Variants in ZFR observed in about 807,000 individuals in gnomAD.
ZFR encodes zinc finger RNA-binding protein.
In ZFR, 19 loss-of-function variants were observed where a neutral mutation model predicts 130.7. That is an observed-to-expected ratio of 0.15 (90% CI 0.10 to 0.21). ZFR has a LOEUF of 0.21. ZFR is among the 10% of genes least tolerant of loss of function. ZFR has a pLI of 1.00. For synonymous variants in ZFR, 466 were observed against 456.9 expected, an observed-to-expected ratio of 1.02 and a Z score of -0.25; for missense variants, 872 against 1,321.5, an observed-to-expected ratio of 0.66 and a Z score of 5.27.
intron 2 of ZFR, among the ~76,000 whole-genome samples, chr5:32,430,553 A>C (rs1249276415): frequency 6.6e-6 from 1 of 152,198 alleles, no homozygotes; most frequent in Non-Finnish European, 1.5e-5. Context: ...AAAAATGTCA[A>C]GAGATTCCCT....
chr5:32,398,866 G>C (rs993628747), intron 9 of ZFR, among the ~76,000 whole-genome samples: 1 of 151,904 alleles, frequency 6.6e-6, no homozygotes, highest in Non-Finnish European at 1.5e-5. Flanking sequence ...GGCCTCAAGT[G>C]ATTCACCCAC....
chr5:32,399,405 C>A (rs1474441076), intron 9 of ZFR, among the ~76,000 whole-genome samples: 3 of 152,212 alleles, frequency 2.0e-5, no homozygotes, highest in African/African-American at 7.2e-5. Flanking sequence ...TAGATATCGA[C>A]ACTGAAGCTC....
At chr5:32,361,751 C>T (rs2963986) in intron 19 of ZFR, among the ~76,000 whole-genome samples, 142,234 of 151,870 alleles carry the variant, frequency 0.94, 66,698 homozygotes, top group African/African-American at 0.97. Flanking sequence ...CCCAAGTAGC[C>T]TGGACTACAG....
At chr5:32,438,280 T>TTTTTA (rs1754387350) in intron 2 of ZFR, among the ~76,000 whole-genome samples, 2 of 130,292 alleles carry the variant, frequency 1.5e-5, no homozygotes, top group African/African-American at 5.6e-5. Flanking sequence ...TTTTTTTTTT[T>TTTTTA]GAGACGGAGT....
chr5:32,423,050 A>T (rs1214611327), intron 2 of ZFR, among the ~76,000 whole-genome samples: 1 of 152,052 alleles, frequency 6.6e-6, no homozygotes, highest in African/African-American at 2.4e-5. Flanking sequence ...CTTACTGCTT[A>T]AAAAAATAAC....
intron 3 of ZFR, among the ~76,000 whole-genome samples, chr5:32,418,512 C>A (rs975136569): frequency 4.6e-5 from 7 of 152,142 alleles, no homozygotes; most frequent in Admixed American, 1.3e-4. Context: ...TGAGTGAATT[C>A]TGGCAGTCCA....
At chr5:32,363,716 C>T (rs1226434284) in intron 19 of ZFR, among the ~76,000 whole-genome samples, 1 of 152,038 alleles carries the variant, frequency 6.6e-6, no homozygotes, top group East Asian at 1.9e-4. Context: ...TTATAATATA[C>T]AATACACTTA....
chr5:32,358,366 A>G (rs1752357989), intron 19 of ZFR, among the ~76,000 whole-genome samples: 1 of 152,244 alleles, frequency 6.6e-6, no homozygotes, highest in Admixed American at 6.5e-5. Context: ...AAAAATAAAA[A>G]AAGAAAATTT....
At chr5:32,416,470 T>C (rs924511549) in intron 4 of ZFR, among the ~76,000 whole-genome samples, 45 of 152,032 alleles carry the variant, frequency 3.0e-4, no homozygotes, top group Non-Finnish European at 4.4e-4. Context: ...CAGAATTAGC[T>C]GGGCATGGTG....
intron 19 of ZFR, among the ~76,000 whole-genome samples, chr5:32,356,593 G>A (rs541671359): frequency 6.2e-4 from 92 of 147,332 alleles, no homozygotes; most frequent in Non-Finnish European, 1.2e-3. Flanking sequence ...TTTTTTTTTT[G>A]TATTTTTAGT....
chr5:32,440,846 A>G (rs1003584613), intron 2 of ZFR, among the ~76,000 whole-genome samples: 9 of 152,220 alleles, frequency 5.9e-5, no homozygotes, highest in Non-Finnish European at 1.2e-4. Context: ...TTTACATCTT[A>G]AAGAATCTGA....
At chr5:32,441,785 A>C (rs577941457) in intron 2 of ZFR, among the ~76,000 whole-genome samples, 5 of 152,348 alleles carry the variant, frequency 3.3e-5, no homozygotes, top group African/African-American at 1.2e-4. Context: ...CATTAAATGC[A>C]AACACTTTTC....
chr5:32,371,567 T>C (rs1480316047), intron 17 of ZFR, among the ~76,000 whole-genome samples: 1 of 152,106 alleles, frequency 6.6e-6, no homozygotes, highest in Admixed American at 6.6e-5. Flanking sequence ...CCAATAACTT[T>C]CAATTTGGAG....
At chr5:32,415,356 T>G (rs186839599) in intron 4 of ZFR, among the ~76,000 whole-genome samples, 169 bp from the exon 5 acceptor site, 2 of 152,210 alleles carry the variant, frequency 1.3e-5, no homozygotes, top group Non-Finnish European at 2.9e-5. Context: ...CCAATATGAA[T>G]AGAATATACA....
At chr5:32,403,874 G>A (rs1459799643) in intron 7 of ZFR, 32 bp downstream of exon 7, 1 of 1,523,332 alleles carries the variant, frequency 6.6e-7, no homozygotes, top group African/African-American at 1.4e-5. Context: ...ACAGAATCAA[G>A]GCATAAGGGT....
At position 32,444,452 on chromosome 5, in the gene ZFR, G is replaced by A. The variant is rs1754557527; in HGVS notation, c.38-124C>T. The stretch of plus-strand genomic sequence containing the variant: ...TGAGAGCAGCCCTGGCGGGGCCCAG[G>A]CCGCGGCCGCGCCGCCTCCCCCTCC... On this transcript the variant is annotated intron_variant, in intron 1 of 19. Coordinates refer to ENST00000265069, the MANE Select transcript of ZFR (RefSeq NM_016107.5). 9.3e-6 allele frequency: 12 copies of A among 1,286,960 alleles called. No homozygotes were observed. The Admixed American group carries it at 3.8e-4, about 41-fold the overall frequency. 79.7% of individuals were successfully genotyped at this position (1,286,960 alleles called of 1,614,324 possible).
intron 5 of ZFR, among the ~76,000 whole-genome samples, chr5:32,414,400 G>A (rs1424198981): frequency 6.6e-6 from 1 of 152,062 alleles, no homozygotes; most frequent in Non-Finnish European, 1.5e-5. Context: ...CAACAGCAGT[G>A]GACACAAAAA....
intron 15 of ZFR, 126 bp from the exon 16 acceptor site, chr5:32,380,298 T>A (rs1433418307): frequency 3.6e-6 from 2 of 562,034 alleles, no homozygotes. Flanking sequence ...CTTTAATATA[T>A]CCACGGAGTT....
intron 11 of ZFR, among the ~76,000 whole-genome samples, chr5:32,393,228 TATTG>T (rs943885313): frequency 3.0e-4 from 45 of 152,344 alleles, no homozygotes; most frequent in African/African-American, 1.0e-3. Context: ...TACTGTATTT[TATTG>T]ATTAAATATA....
Sources: gnomAD v4.1 joint callset for allele counts (sites outside exome capture counted in the v4.1 genomes callset) on GRCh38, gnomAD v4.1.1 for gene constraint, MANE v1.5 for transcripts, NCBI Gene and HGNC (gene_info 2026-07-23, HGNC 2026-07-21) for gene names.